Variants in ARHGEF33 observed in about 807,000 individuals in gnomAD.
The protein encoded by ARHGEF33 is DH and coiled-coil domain-containing protein ENSP00000381780.
In ARHGEF33, 72 loss-of-function variants were observed where a neutral mutation model predicts 101.9. The ratio of observed to expected loss-of-function variants is 0.71; its 90% confidence interval spans 0.58 to 0.86. ARHGEF33 has a LOEUF of 0.86. ARHGEF33 is among the 40% of genes least tolerant of loss of function. The pLI is 0.00. For synonymous variants in ARHGEF33, 499 were observed against 442.5 expected (o/e 1.13, Z -1.60); for missense variants, 1,169 against 1,111.3 (o/e 1.05, Z -0.74).
chr2:38,917,800 G>A lies in ARHGEF33; in HGVS notation c.-85-1563G>A, dbSNP rs371305183. 2.7e-5 allele frequency among the ~76,000 whole-genome samples: 4 copies of A among 149,512 alleles called. No homozygotes were observed. In the East Asian group the frequency reaches 5.9e-4, roughly 22 times the overall value. ...GCCATCATAAGGCCACTGCACTGCA[G>A]CCTGGGCAACAGAGCGAGACCTTGT... is the stretch of plus-strand genomic sequence containing the variant. On this transcript the variant is annotated intron_variant, in intron 2 of 17. Transcript: ENST00000409978.
intron 2 of ARHGEF33, among the ~76,000 whole-genome samples, chr2:38,899,421 AAGAT>A (rs952362906): frequency 6.6e-6 from 1 of 152,172 alleles, no homozygotes; most frequent in Non-Finnish European, 1.5e-5. Context: ...CTAGTATCAT[AAGAT>A]ATTATGCTCA....
intron 10 of ARHGEF33, among the ~76,000 whole-genome samples, chr2:38,950,669 C>T (rs1268517112): frequency 6.6e-6 from 1 of 152,082 alleles, no homozygotes; most frequent in African/African-American, 2.4e-5. Context: ...AGGCTGGTCT[C>T]GAACTCCTGA....
chr2:38,951,615 A>G (rs996433257), intron 11 of ARHGEF33, among the ~76,000 whole-genome samples: 1 of 152,122 alleles, frequency 6.6e-6, no homozygotes, highest in Non-Finnish European at 1.5e-5. Context: ...AAATTAAAAA[A>G]AAAGTATATA....
Position 38,959,850 on chromosome 2 carries a change from G to GC in ARHGEF33, c.1550dup (p.Val518SerfsTer21). On this transcript the variant is annotated frameshift_variant, in exon 16 of 18. Transcript: ENST00000409978. LOFTEE classifies it high-confidence loss of function. ...TGTTTTCCCCCTAAAGACATCTGAT[G>GC]CCCCCAGTGAAGAAAAGCCAACAGC... 1 of 1,547,382 alleles carries GC rather than the reference G, an allele frequency of 6.5e-7. No individual in the cohort carries two copies. Among genetic ancestry groups the GC allele is most frequent in the South Asian group, 1.2e-5 (1 of 83,586 alleles).
At chr2:38,956,443 T>C (rs1393698196) in intron 13 of ARHGEF33, among the ~76,000 whole-genome samples, 1 of 152,232 alleles carries the variant, frequency 6.6e-6, no homozygotes, top group Non-Finnish European at 1.5e-5. Context: ...ATCCAAGTCC[T>C]AGGCATGTTC....
At chr2:38,930,943 C>T (rs530524778) in intron 6 of ARHGEF33, among the ~76,000 whole-genome samples, 166 bp from the exon 7 acceptor site, 1 of 152,242 alleles carries the variant, frequency 6.6e-6, no homozygotes, top group South Asian at 2.1e-4. Flanking sequence ...TAAGTTGAAC[C>T]ATATGAATTG....
intron 7 of ARHGEF33, 142 bp downstream of exon 7, chr2:38,931,393 A>G (rs1250249208): frequency 1.4e-6 from 1 of 731,448 alleles, no homozygotes; most frequent in Non-Finnish European, 2.1e-6. Context: ...GGAATTCAGA[A>G]GAATCCAGAG....
chr2:38,939,368 G>T (rs1667241613), intron 9 of ARHGEF33, among the ~76,000 whole-genome samples: 1 of 152,142 alleles, frequency 6.6e-6, no homozygotes, highest in Admixed American at 6.5e-5. Flanking sequence ...TCTCTGGGTT[G>T]TAGGTTATGA....
chr2:38,935,668 C>G, intron 7 of ARHGEF33, 107 bp from the exon 8 acceptor site: 2 of 805,696 alleles, frequency 2.5e-6, no homozygotes, highest in East Asian at 2.7e-5. Flanking sequence ...TCTGCCTCCC[C>G]CATGAAACTA....
At chr2:38,941,796 C>T (rs1224887877) in intron 9 of ARHGEF33, among the ~76,000 whole-genome samples, 3 of 152,134 alleles carry the variant, frequency 2.0e-5, no homozygotes, top group South Asian at 2.1e-4. Flanking sequence ...CCGCCCACCC[C>T]GGCCTCCCAA....
At chr2:38,909,611 T>C (rs1042765953) in intron 2 of ARHGEF33, among the ~76,000 whole-genome samples, 9 of 151,542 alleles carry the variant, frequency 5.9e-5, no homozygotes, top group Non-Finnish European at 1.0e-4. Context: ...AGTGCTGGGA[T>C]TACAGGCATG....
At chr2:38,967,917 G>T (rs545904050) in intron 17 of ARHGEF33, among the ~76,000 whole-genome samples, 1 of 149,180 alleles carries the variant, frequency 6.7e-6, no homozygotes, top group East Asian at 2.0e-4. Flanking sequence ...AAAATCCTAA[G>T]GGCACAGCTT....
intron 10 of ARHGEF33, among the ~76,000 whole-genome samples, chr2:38,950,428 T>C (rs991672903): frequency 1.2e-4 from 19 of 152,170 alleles, no homozygotes. Context: ...TTTCAAGTGA[T>C]GTGCTCTTTA....
chr2:38,953,048 A>G, intron 11 of ARHGEF33, 114 bp from the exon 12 acceptor site: 1 of 633,258 alleles, frequency 1.6e-6, no homozygotes, highest in Non-Finnish European at 2.8e-6. Context: ...AGAACATATT[A>G]AATGAATAAG....
intron 17 of ARHGEF33, among the ~76,000 whole-genome samples, chr2:38,971,316 A>G (rs1402358641): frequency 6.6e-6 from 1 of 152,220 alleles, no homozygotes; most frequent in African/African-American, 2.4e-5. Context: ...TCCTCTTTCC[A>G]TCAAATACTT....
chr2:38,930,348 T>C (rs966182166), intron 6 of ARHGEF33, among the ~76,000 whole-genome samples: 1 of 150,696 alleles, frequency 6.6e-6, no homozygotes, highest in Admixed American at 6.6e-5. Context: ...CTTTTTTCTT[T>C]CTTTTCTTTT....
intron 2 of ARHGEF33, among the ~76,000 whole-genome samples, chr2:38,916,895 G>T (rs903117240): frequency 2.0e-5 from 3 of 151,412 alleles, no homozygotes; most frequent in Non-Finnish European, 4.4e-5. Context: ...CTGCCTCCCA[G>T]GTTCAAGTGA....
At chr2:38,965,000 T>A (rs1668022425) in intron 16 of ARHGEF33, among the ~76,000 whole-genome samples, 1 of 152,074 alleles carries the variant, frequency 6.6e-6, no homozygotes, top group African/African-American at 2.4e-5. Context: ...CTCAGAGAAT[T>A]TCTGTATCTG....
At chr2:38,936,331 T>G (rs559747201) in intron 8 of ARHGEF33, among the ~76,000 whole-genome samples, 31 of 152,332 alleles carry the variant, frequency 2.0e-4, no homozygotes, top group African/African-American at 7.5e-4. Context: ...CTTCCCTCTC[T>G]CCTTCCTTTC....
Sources: gnomAD v4.1 joint callset for allele counts (sites outside exome capture counted in the v4.1 genomes callset) on GRCh38, gnomAD v4.1.1 for gene constraint, MANE v1.5 for transcripts, NCBI Gene and HGNC (gene_info 2026-07-23, HGNC 2026-07-21) for gene names.